Variants in ATF7IP observed in about 807,000 individuals in gnomAD.
ATF7IP encodes the protein activating transcription factor 7 interacting protein, also known as activating transcription factor 7-interacting protein 1.
Under a neutral mutation model 106.4 loss-of-function variants are expected in ATF7IP, and 23 were observed. The observed-to-expected ratio is 0.22, with a 90% confidence interval of 0.16 to 0.31. The LOEUF (loss-of-function observed/expected upper bound fraction) is 0.31. Ranked by LOEUF, ATF7IP falls within the 10% of genes least tolerant of loss-of-function variation. ATF7IP has a pLI of 1.00. For missense variants in ATF7IP, 1,334 were observed against 1,524.3 expected (o/e 0.88, Z 2.08); for synonymous variants, 542 against 539.0 (o/e 1.01, Z -0.08).
chr12:14,408,095 T>G (rs1404717279), intron 1 of ATF7IP, among the ~76,000 whole-genome samples: 1 of 140,548 alleles, frequency 7.1e-6, no homozygotes, highest in Non-Finnish European at 1.5e-5. Context: ...GAAAAACACT[T>G]AAATATATAG....
rs1942400381 is a variant in ATF7IP at position 14,436,338 on chromosome 12, A to T, written c.1791+87A>T. On this transcript the variant is annotated intron_variant, in intron 4 of 14. Coordinates refer to ENST00000261168, the MANE Select transcript of ATF7IP (RefSeq NM_018179.5). ...GGTTTCTGACATTATTCTGTATTTT[A>T]TTGACATAATGTGGTTTATCATAGA... is the stretch of plus-strand genomic sequence containing the variant. 6.1e-6 allele frequency: 8 copies of T among 1,315,478 alleles called. No individual in the cohort carries two copies. The Admixed American group carries it at 1.6e-4, about 26-fold the overall frequency. The allele number at this position is 1,315,478 out of a possible 1,614,324, so 81.5% of individuals were successfully genotyped here.
intron 6 of ATF7IP, among the ~76,000 whole-genome samples, chr12:14,454,672 C>A (rs1412966114): frequency 6.6e-6 from 1 of 152,162 alleles, no homozygotes; most frequent in South Asian, 2.1e-4. Flanking sequence ...AAATCTCATG[C>A]AGGCAATATG....
At chr12:14,419,629 T>C (rs1342454582) in intron 1 of ATF7IP, among the ~76,000 whole-genome samples, 1 of 152,160 alleles carries the variant, frequency 6.6e-6, no homozygotes. Flanking sequence ...TGTATCTGTA[T>C]CTTTTGCAGA....
At chr12:14,458,845 C>T (rs957818431) in intron 8 of ATF7IP, among the ~76,000 whole-genome samples, 9 of 151,992 alleles carry the variant, frequency 5.9e-5, no homozygotes, top group South Asian at 4.1e-4. Flanking sequence ...AAATCCATTC[C>T]TCTATCTTGC....
At chr12:14,410,752 T>C (rs1205035463) in intron 1 of ATF7IP, among the ~76,000 whole-genome samples, 1 of 151,948 alleles carries the variant, frequency 6.6e-6, no homozygotes, top group Non-Finnish European at 1.5e-5. Context: ...TAAATGTATG[T>C]ATGTATGTAT....
rs140582861 is a variant in ATF7IP, at chr12:14,424,354, G to A, written c.439G>A (p.Gly147Arg). ...GDLDAGDPAS[G>R]VLASGDSTSG... is the part of the protein sequence containing the mutation. Reference sequence around the variant, plus strand: ...TCTGGATGCCGGAGATCCAGCCTCCGGAGTACTGGCCTCTGGTGATTCCAC... The same window carrying A: ...TCTGGATGCCGGAGATCCAGCCTCCAGAGTACTGGCCTCTGGTGATTCCAC... Residue 147 changes from glycine to arginine, a missense_variant, in exon 2 of 15, where the codon GGA becomes AGA. By Grantham distance (125) the Gly-to-Arg change is moderately radical. Coordinates refer to ENST00000261168, the MANE Select transcript of ATF7IP (RefSeq NM_018179.5). 1,583 of 1,613,982 alleles carry A rather than the reference G, an allele frequency of 9.8e-4. 24 individuals carry two copies. Among genetic ancestry groups the A allele is most frequent in the Non-Finnish European group, 3.3e-4 (387 of 1,180,012 alleles).
chr12:14,398,143 C>T (rs1050854053), intron 1 of ATF7IP, among the ~76,000 whole-genome samples: 1 of 151,932 alleles, frequency 6.6e-6, no homozygotes, highest in African/African-American at 2.4e-5. Context: ...AAAGAACTGG[C>T]TTTTGGTTCC....
chr12:14,367,917 A>T (rs890092646), intron 1 of ATF7IP, among the ~76,000 whole-genome samples: 2 of 152,086 alleles, frequency 1.3e-5, no homozygotes, highest in African/African-American at 2.4e-5. Context: ...ATTTTGACAC[A>T]TATCCAACAT....
intron 4 of ATF7IP, among the ~76,000 whole-genome samples, chr12:14,437,273 A>G (rs1285255046): frequency 6.6e-6 from 1 of 152,214 alleles, no homozygotes; most frequent in East Asian, 1.9e-4. Context: ...ACATTTTACA[A>G]TCAATGTTTT....
intron 10 of ATF7IP, among the ~76,000 whole-genome samples, chr12:14,471,328 T>C (rs1009583414): frequency 6.6e-6 from 1 of 152,182 alleles, no homozygotes; most frequent in South Asian, 2.1e-4. Flanking sequence ...TGTTTACTGA[T>C]TATTGCCTTT....
At chr12:14,422,349 AC>A (rs1941573044) in intron 1 of ATF7IP, among the ~76,000 whole-genome samples, 3 of 146,646 alleles carry the variant, frequency 2.0e-5, no homozygotes, top group Admixed American at 2.0e-4. Flanking sequence ...ACACACACAC[AC>A]ACACACAACC....
rs765224120 is a variant in ATF7IP, at chr12:14,460,938, A to G, written c.2602A>G (p.Thr868Ala). ...TACTGCCAGTGCTGCACCATTGGGA[A>G]CAACACTTGCTGTGCAGGCTGTTCC... ...NPTASAAPLGTTLAVQAVPTA... is the reference protein window; with the variant it reads ...NPTASAAPLGATLAVQAVPTA... The change falls in exon 9 of 15, where the codon ACA becomes GCA. Residue 868 changes from threonine (T) to alanine (A), a missense_variant. Coordinates refer to ENST00000261168, the MANE Select transcript of ATF7IP (RefSeq NM_018179.5). The G allele has an allele frequency of 1.1e-5, 17 of 1,614,062 alleles. No homozygotes were observed. In the African/African-American group the frequency reaches 1.5e-4, roughly 14 times the overall value.
chr12:14,439,929 C>G (rs1942616764), intron 5 of ATF7IP, among the ~76,000 whole-genome samples: 1 of 152,146 alleles, frequency 6.6e-6, no homozygotes, highest in Non-Finnish European at 1.5e-5. Context: ...ACATAAGGTG[C>G]AATCCAGATT....
intron 1 of ATF7IP, among the ~76,000 whole-genome samples, chr12:14,379,558 C>G (rs1474210100): frequency 2.6e-5 from 4 of 151,800 alleles, no homozygotes; most frequent in Non-Finnish European, 5.9e-5. Context: ...AGAATTCTCC[C>G]TGCCTGTAGA....
chr12:14,469,900 C>A (rs1478355586), intron 10 of ATF7IP, among the ~76,000 whole-genome samples: 1 of 152,170 alleles, frequency 6.6e-6, no homozygotes, highest in Non-Finnish European at 1.5e-5. Flanking sequence ...TGCCAAGAGT[C>A]TTCCCAGAGA....
chr12:14,414,693 A>G (rs758989703), intron 1 of ATF7IP, among the ~76,000 whole-genome samples: 26 of 152,234 alleles, frequency 1.7e-4, no homozygotes, highest in Non-Finnish European at 2.5e-4. Context: ...AAAAGTATAC[A>G]GTTATTAGCC....
At chr12:14,394,574 A>C (rs763021875) in intron 1 of ATF7IP, among the ~76,000 whole-genome samples, 30 of 152,142 alleles carry the variant, frequency 2.0e-4, no homozygotes, top group Non-Finnish European at 4.0e-4. Context: ...GCTTTATGTA[A>C]ATTGTCCTTA....
At chr12:14,453,874 C>T (rs1306351565) in intron 6 of ATF7IP, among the ~76,000 whole-genome samples, 1 of 152,188 alleles carries the variant, frequency 6.6e-6, no homozygotes, top group Non-Finnish European at 1.5e-5. Flanking sequence ...ATCTGCCCGC[C>T]TCGGCCTCCC....
intron 10 of ATF7IP, among the ~76,000 whole-genome samples, chr12:14,471,691 C>T (rs543848319): frequency 1.5e-4 from 23 of 152,164 alleles, no homozygotes; most frequent in South Asian, 2.1e-4. Context: ...CAGAGCAAAG[C>T]GGGAAGCCCC....
Sources: allele counts gnomAD v4.1 joint callset (sites outside exome capture counted in the v4.1 genomes callset), GRCh38; gene constraint gnomAD v4.1.1; transcripts MANE v1.5; gene names NCBI Gene and HGNC (gene_info 2026-07-23, HGNC 2026-07-21).